Variants in MEIS2 observed in about 807,000 individuals in gnomAD.
MEIS2 encodes homeobox protein Meis2.
Under a neutral mutation model 58.6 loss-of-function variants are expected in MEIS2, and 9 were observed. That is an observed-to-expected ratio of 0.15 (90% CI 0.09 to 0.27). MEIS2 has a LOEUF of 0.27. Among genes scored for constraint, MEIS2 ranks in the 10% least tolerant of loss-of-function variants. The pLI is 1.00. For missense variants in MEIS2, 427 were observed against 635.0 expected, an observed-to-expected ratio of 0.67 and a Z score of 3.52; for synonymous variants, 221 against 228.4, an observed-to-expected ratio of 0.97 and a Z score of 0.29.
intron 8 of MEIS2, among the ~76,000 whole-genome samples, chr15:36,994,698 T>G (rs1372205476): frequency 6.6e-6 from 1 of 152,262 alleles, no homozygotes; most frequent in African/African-American, 2.4e-5. Flanking sequence ...TTAATTTATT[T>G]CATTAAATGG....
Position 37,098,056 on chromosome 15 carries a change from G to A in MEIS2, c.156C>T (p.Gly52=), listed in dbSNP as rs770771302. The A allele has an allele frequency of 6.2e-7, 1 of 1,613,518 alleles. No homozygotes were observed. Among genetic ancestry groups the A allele is most frequent in the Non-Finnish European group, 8.5e-7 (1 of 1,179,704 alleles). Residue 52 remains glycine (G), a synonymous_variant, in exon 2 of 12, where the codon GGC becomes GGT. Transcript: ENST00000561208. ...TGACATTGGGGTGCGGGGCGTGCGC[G>A]CCGTAGTGCTGTGTGGCGTGGAGCG... is the stretch of plus-strand genomic sequence containing the variant. ...GPPLHATQHY[G]AHAPHPNVMP...
chr15:37,097,764 G>T (rs554827477), intron 2 of MEIS2, among the ~76,000 whole-genome samples: 3 of 152,084 alleles, frequency 2.0e-5, no homozygotes, highest in African/African-American at 7.2e-5. Flanking sequence ...CTGTGAGAGC[G>T]AAAGAGGCTA....
intron 7 of MEIS2, among the ~76,000 whole-genome samples, chr15:37,075,030 C>T (rs1567262703): frequency 6.6e-6 from 1 of 152,010 alleles, no homozygotes; most frequent in Non-Finnish European, 1.5e-5. Flanking sequence ...TCATGAAATA[C>T]TTCCAGGCTC....
intron 9 of MEIS2, among the ~76,000 whole-genome samples, chr15:36,901,916 C>T (rs2056494586): frequency 6.6e-6 from 1 of 152,206 alleles, no homozygotes; most frequent in Admixed American, 6.5e-5. Flanking sequence ...GCATGCCCTT[C>T]TCCATTATTG....
intron 6 of MEIS2, among the ~76,000 whole-genome samples, chr15:37,091,672 T>C (rs963395565): frequency 6.6e-6 from 1 of 152,230 alleles, no homozygotes; most frequent in African/African-American, 2.4e-5. Flanking sequence ...TAAATTGATA[T>C]TGTCTATCAG....
rs71126247 is a variant in MEIS2, at chr15:36,971,537, TAAAA to T, written c.901-21141_901-21138del. 9.3e-3 allele frequency among the ~76,000 whole-genome samples: 621 copies of T among 67,020 alleles called. 10 individuals carry two copies. The highest frequency in any genetic ancestry group is 0.043 in the African/African-American group (600 of 14,080). The allele number at this position is 67,020 out of a possible 152,430, so 44.0% of individuals were successfully genotyped here. A position where few individuals can be genotyped will look rare whatever the true frequency, so the allele number is the denominator to read the frequency against. On this transcript the variant is annotated intron_variant, in intron 8 of 11. Coordinates refer to ENST00000561208, the MANE Select transcript of MEIS2 (RefSeq NM_170675.5). ...GTATTACTTGTATGCCTTGTTACAT[TAAAA>T]AAAAAAAAAAAAAAAAAAAAAAAGG... is the stretch of plus-strand genomic sequence containing the variant.
intron 4 of MEIS2, 42 bp from the exon 5 acceptor site, chr15:37,094,619 T>C (rs769264014): frequency 1.3e-6 from 2 of 1,579,980 alleles, no homozygotes; most frequent in Admixed American, 1.7e-5. Context: ...GCTCTGTGAC[T>C]CTGAGGTCCT....
rs1448076302 is a variant in MEIS2 at position 37,100,525 on chromosome 15, C to T, written c.-1059G>A. 2 of 143,064 alleles carry T rather than the reference C, an allele frequency of 1.4e-5. No homozygotes were observed. Among genetic ancestry groups the T allele is most frequent in the Middle Eastern group, 3.8e-3 (1 of 260 alleles). 8.9% of individuals were successfully genotyped at this position (143,064 alleles called of 1,614,324 possible). ...GGGAGCGAGGAGGAGCGCGCCGCGCCGAGCCTCTGATATGCAACGAGTGCG... is the reference window on the plus strand; with the variant it reads ...GGGAGCGAGGAGGAGCGCGCCGCGCTGAGCCTCTGATATGCAACGAGTGCG... On this transcript the variant is annotated 5_prime_UTR_variant, in exon 1 of 12. Coordinates refer to ENST00000561208, the MANE Select transcript of MEIS2 (RefSeq NM_170675.5).
chr15:37,062,567 A>G (rs569812316), intron 7 of MEIS2, among the ~76,000 whole-genome samples: 1 of 152,346 alleles, frequency 6.6e-6, no homozygotes, highest in South Asian at 2.1e-4. Context: ...TTGTCCTACG[A>G]TCATGGAGAT....
chr15:37,034,336 T>C (rs761587433), intron 8 of MEIS2, among the ~76,000 whole-genome samples: 18 of 152,152 alleles, frequency 1.2e-4, no homozygotes, highest in Non-Finnish European at 2.4e-4. Context: ...TCACAGAGCA[T>C]GAATGCAGAC....
intron 7 of MEIS2, among the ~76,000 whole-genome samples, chr15:37,061,917 A>G (rs1048514626): frequency 6.6e-6 from 1 of 152,162 alleles, no homozygotes; most frequent in Non-Finnish European, 1.5e-5. Flanking sequence ...AGCAAGCAGG[A>G]TATTTTAAAA....
At position 37,041,795 on chromosome 15, in the gene MEIS2, T is replaced by C. The variant is rs1471939523; in HGVS notation, c.755-4836A>G. Reference sequence around the variant, plus strand: ...TAGTTAAATATGTTCATACAAAATATATGTGCACCTGGGATTACAAAAAGA... The same window carrying C: ...TAGTTAAATATGTTCATACAAAATACATGTGCACCTGGGATTACAAAAAGA... On this transcript the variant is annotated intron_variant, in intron 7 of 11. Transcript: ENST00000561208. 2.0e-5 allele frequency among the ~76,000 whole-genome samples: 3 copies of C among 152,118 alleles called. No individual in the cohort carries two copies. In the East Asian group the frequency reaches 5.8e-4, roughly 29 times the overall value.
chr15:36,935,217 T>A (rs1282179819), intron 9 of MEIS2, among the ~76,000 whole-genome samples: 1 of 151,324 alleles, frequency 6.6e-6, no homozygotes, highest in East Asian at 1.9e-4. Flanking sequence ...GGAGGAGAAA[T>A]TCTTCTTTTC....
At chr15:36,997,382 T>C (rs2060559004) in intron 8 of MEIS2, among the ~76,000 whole-genome samples, 1 of 152,168 alleles carries the variant, frequency 6.6e-6, no homozygotes, top group Non-Finnish European at 1.5e-5. Context: ...TTTTGCTAAC[T>C]TTGAGTTAGG....
chr15:36,981,285 A>G (rs1027709243), intron 8 of MEIS2, among the ~76,000 whole-genome samples: 2 of 152,042 alleles, frequency 1.3e-5, no homozygotes, highest in Non-Finnish European at 2.9e-5. Context: ...TAATAAACTC[A>G]TTGTTTTGAG....
In MEIS2 at chr15:37,099,235, C is replaced by T. The variant is rs886663114; in HGVS notation, c.12+220G>A. On this transcript the variant is annotated intron_variant, in intron 1 of 11. Transcript: ENST00000561208. ...CCCGCTCGCACAGCGCTGGAACACG[C>T]GCGCCCAGACACGCACACACGCACG... is the stretch of plus-strand genomic sequence containing the variant. 20 of 1,432,620 alleles carry T rather than the reference C, an allele frequency of 1.4e-5. No individual in the cohort carries two copies. In the African/African-American group the frequency reaches 2.2e-4, roughly 15 times the overall value. The allele number at this position is 1,432,620 out of a possible 1,614,324, so 88.7% of individuals were successfully genotyped here.
chr15:36,904,651 T>TA (rs2056639942), intron 9 of MEIS2, among the ~76,000 whole-genome samples: 1 of 149,678 alleles, frequency 6.7e-6, no homozygotes, highest in Non-Finnish European at 1.5e-5. Context: ...TTTTTTTTTT[T>TA]ATCTGTGAGC....
At position 37,085,016 on chromosome 15, in the gene MEIS2, A is replaced by AAAGTATACAAAGTATATACCAATCT. The variant is rs1892710724; in HGVS notation, c.640-1156_640-1132dup. ...GCAAAATAGTTCCTCAAAACCAATC[A>AAAGTATACAAAGTATATACCAATCT]AAGTATACAAAGTATATACCAATCT... On this transcript the variant is annotated intron_variant, in intron 6 of 11. Transcript: ENST00000561208. Among the ~76,000 whole-genome samples, 11 of 152,324 alleles carry AAAGTATACAAAGTATATACCAATCT rather than the reference A, an allele frequency of 7.2e-5. No individual in the cohort carries two copies. The South Asian group carries it at 1.4e-3, about 20-fold the overall frequency.
rs769051100 is a variant in MEIS2 at position 37,053,244 on chromosome 15, A to G, written c.755-16285T>C. Among the ~76,000 whole-genome samples the G allele has an allele frequency of 7.2e-5, 11 of 152,212 alleles. No homozygotes were observed. In the East Asian group the frequency reaches 2.1e-3, roughly 29 times the overall value. ...CAACCTTAATATGCTGATACAGCAA[A>G]TTTCCGGATCTTGATCACACTAGGC... is the stretch of plus-strand genomic sequence containing the variant. On this transcript the variant is annotated intron_variant, in intron 7 of 11. Transcript: ENST00000561208.
Sources: allele counts gnomAD v4.1 joint callset (sites outside exome capture counted in the v4.1 genomes callset), GRCh38; gene constraint gnomAD v4.1.1; transcripts MANE v1.5; gene names NCBI Gene and HGNC (gene_info 2026-07-23, HGNC 2026-07-21).